Variants in XYLT1 observed in about 807,000 individuals in gnomAD.
The protein encoded by XYLT1 is beta-D-xylosyltransferase 1.
A neutral mutation model predicts 91.3 loss-of-function variants in XYLT1; 36 were observed. The ratio of observed to expected loss-of-function variants is 0.39; its 90% CI spans 0.30 to 0.52. The LOEUF (loss-of-function observed/expected upper bound fraction) is 0.52, where lower values mean the gene tolerates loss of function less well. XYLT1 is among the 20% of genes least tolerant of loss of function. XYLT1 has a pLI of 0.68. For synonymous variants in XYLT1, 588 were observed against 532.0 expected (o/e 1.11, Z -1.45); for missense variants, 1,242 against 1,284.5 (o/e 0.97, Z 0.51).
At chr16:17,340,641 T>A (rs1360552845) in intron 2 of XYLT1, among the ~76,000 whole-genome samples, 1 of 152,230 alleles carries the variant, frequency 6.6e-6, no homozygotes, top group Non-Finnish European at 1.5e-5. Context: ...AACCCTTTCC[T>A]CTCTGTGCCT....
intron 2 of XYLT1, chr16:17,355,477 A>G (rs1372812344): frequency 6.6e-6 from 1 of 152,146 alleles, no homozygotes; most frequent in East Asian, 1.9e-4. Flanking sequence ...AAGTTCTCTC[A>G]TAGTCCCTGG....
intron 2 of XYLT1, among the ~76,000 whole-genome samples, chr16:17,328,397 A>C (rs2034845008): frequency 6.6e-6 from 1 of 151,774 alleles, no homozygotes; most frequent in Admixed American, 6.6e-5. Context: ...AAATACAAAA[A>C]AATTAGCCAG....
At chr16:17,115,800 TA>T (rs71137969) in intron 11 of XYLT1, among the ~76,000 whole-genome samples, 83 of 50,330 alleles carry the variant, frequency 1.6e-3, no homozygotes, top group East Asian at 0.014. Flanking sequence ...TCTGTTATAT[TA>T]AAAAAAAAAA....
intron 3 of XYLT1, among the ~76,000 whole-genome samples, chr16:17,218,652 T>G (rs1015639129): frequency 6.6e-6 from 1 of 152,128 alleles, no homozygotes; most frequent in Admixed American, 6.5e-5. Flanking sequence ...TATGTGGAAA[T>G]TGTTATTTTG....
At chr16:17,166,195 G>A (rs780013611) in intron 5 of XYLT1, among the ~76,000 whole-genome samples, 1 of 152,198 alleles carries the variant, frequency 6.6e-6, no homozygotes, top group African/African-American at 2.4e-5. Flanking sequence ...ACGGGGTCAG[G>A]GCAGAACCAT....
At chr16:17,288,449 T>C (rs1158918826) in intron 2 of XYLT1, among the ~76,000 whole-genome samples, 1 of 152,162 alleles carries the variant, frequency 6.6e-6, no homozygotes, top group Non-Finnish European at 1.5e-5. Context: ...GATTCTTTTG[T>C]TCTTCTTGGG....
chr16:17,137,785 TG>T, intron 8 of XYLT1, among the ~76,000 whole-genome samples: 1 of 152,002 alleles, frequency 6.6e-6, no homozygotes, highest in Non-Finnish European at 1.5e-5. Flanking sequence ...CAAACCTGGC[TG>T]CTCCTCAGAA....
intron 2 of XYLT1, among the ~76,000 whole-genome samples, chr16:17,308,112 G>C (rs1469411989): frequency 6.6e-6 from 1 of 152,202 alleles, no homozygotes; most frequent in Non-Finnish European, 1.5e-5. Context: ...CAGAGTGAGA[G>C]AGCTTGAAGG....
intron 1 of XYLT1, among the ~76,000 whole-genome samples, chr16:17,445,624 C>T (rs2036581932): frequency 6.6e-6 from 1 of 152,190 alleles, no homozygotes; most frequent in African/African-American, 2.4e-5. Context: ...CAGTGCCGCC[C>T]CAGCATGGAG....
chr16:17,224,092 A>G (rs1343119709), intron 3 of XYLT1, among the ~76,000 whole-genome samples: 1 of 152,224 alleles, frequency 6.6e-6, no homozygotes, highest in Non-Finnish European at 1.5e-5. Context: ...TTGAGCTTCA[A>G]TTTCCCAAAG....
chr16:17,209,514 C>T (rs1167893012), intron 3 of XYLT1, among the ~76,000 whole-genome samples: 1 of 152,088 alleles, frequency 6.6e-6, no homozygotes, highest in East Asian at 1.9e-4. Context: ...GAGTATATTC[C>T]CAGAAATGGA....
At chr16:17,188,720 T>G (rs991803201) in intron 5 of XYLT1, among the ~76,000 whole-genome samples, 2 of 152,230 alleles carry the variant, frequency 1.3e-5, no homozygotes, top group Non-Finnish European at 2.9e-5. Flanking sequence ...CCTCTATTAA[T>G]AACCATGGCT....
At chr16:17,300,860 A>T (rs2034385148) in intron 2 of XYLT1, among the ~76,000 whole-genome samples, 1 of 152,042 alleles carries the variant, frequency 6.6e-6, no homozygotes, top group African/African-American at 2.4e-5. Flanking sequence ...ACAAAATAAC[A>T]CGTACAGTTT....
chr16:17,368,772 T>TG (rs1248777064), intron 1 of XYLT1, among the ~76,000 whole-genome samples: 3 of 152,024 alleles, frequency 2.0e-5, no homozygotes, highest in African/African-American at 7.3e-5. Flanking sequence ...TTTGTAGAGA[T>TG]GGGGTCTTCC....
intron 3 of XYLT1, among the ~76,000 whole-genome samples, chr16:17,230,871 C>T (rs2033147670): frequency 6.6e-6 from 1 of 152,180 alleles, no homozygotes; most frequent in African/African-American, 2.4e-5. Flanking sequence ...TTCATTGCCA[C>T]AACTGGGTGA....
chr16:17,113,176 C>G (rs902382377), intron 11 of XYLT1, among the ~76,000 whole-genome samples: 3 of 150,764 alleles, frequency 2.0e-5, no homozygotes, highest in African/African-American at 4.9e-5. Flanking sequence ...GAGTCTCGCT[C>G]TGTCACCCAG....
At chr16:17,437,106 T>C (rs537043678) in intron 1 of XYLT1, among the ~76,000 whole-genome samples, 1 of 152,120 alleles carries the variant, frequency 6.6e-6, no homozygotes, top group Non-Finnish European at 1.5e-5. Flanking sequence ...ATCCGAAAAC[T>C]GAGTGAAGCC....
At position 17,322,924 on chromosome 16, in the gene XYLT1, C is replaced by T. The variant is rs1169471718; in HGVS notation, c.402+35088G>A. Among the ~76,000 whole-genome samples the T allele has an allele frequency of 2.6e-5, 4 of 152,188 alleles. No homozygotes were observed. In the East Asian group the frequency reaches 5.8e-4, roughly 22 times the overall value. On this transcript the variant is annotated intron_variant, in intron 2 of 11. Transcript: ENST00000261381. ...CATGATGTTTGGCACAAAGGGGGTG[C>T]TTGATGAAAGCTTGTGGCTGAATGC...
intron 1 of XYLT1, among the ~76,000 whole-genome samples, chr16:17,374,634 T>C (rs1045592304): frequency 8.5e-6 from 1 of 117,476 alleles, no homozygotes; most frequent in Non-Finnish European, 1.7e-5. Flanking sequence ...GTATTGTTAT[T>C]ACAGACAGAA....
Sources: gnomAD v4.1 joint callset for allele counts (sites outside exome capture counted in the v4.1 genomes callset) on GRCh38, gnomAD v4.1.1 for gene constraint, MANE v1.5 for transcripts, NCBI Gene and HGNC (gene_info 2026-07-23, HGNC 2026-07-21) for gene names.